Variants in OARD1 observed in about 807,000 individuals in gnomAD.
The protein encoded by OARD1 is O-acyl-ADP-ribose deacylase 1, also known as ADP-ribose glycohydrolase OARD1.
OARD1 carries 19 observed loss-of-function variants against 19.7 expected under a neutral mutation model. The ratio of observed to expected loss-of-function variants is 0.96; its 90% CI spans 0.67 to 1.41. The LOEUF is 1.41. OARD1 is among the 40% of genes most tolerant of loss of function. The probability of loss-of-function intolerance (pLI) is 0.00; values close to 1 mark genes in which losing one functional copy is unlikely to be tolerated. For missense variants in OARD1, 190 were observed against 183.8 expected (o/e 1.03, Z -0.20); for synonymous variants, 70 against 61.8 (o/e 1.13, Z -0.62).
chr6:41,085,055 CA>C (rs564190493), intron 1 of OARD1, among the ~76,000 whole-genome samples: 2 of 146,192 alleles, frequency 1.4e-5, no homozygotes, highest in East Asian at 4.0e-4. Context: ...ATCGAGATGG[CA>C]AAAAAAAACA....
At chr6:41,073,413 C>T (rs968777670), upstream of OARD1, among the ~76,000 whole-genome samples, 2 of 151,944 alleles carry the variant, frequency 1.3e-5, no homozygotes, top group African/African-American at 4.8e-5. Context: ...GGCCCCAGGC[C>T]TGGGGCCACG....
rs1582000433 is a variant in OARD1, at chr6:41,069,185, C to T, written c.244-232G>A. The T allele has an allele frequency of 1.2e-5, 4 of 344,288 alleles. No individual in the cohort carries two copies. In the East Asian group the frequency reaches 2.1e-4, roughly 18 times the overall value. The allele number at this position is 344,288 out of a possible 1,614,324, so 21.3% of individuals were successfully genotyped here. On this transcript the variant is annotated intron_variant, in intron 4 of 5. Transcript: ENST00000424266. ...AGACTCTGCCACGTAGCAATCTTTC[C>T]TTTTCCTAGGAAACCCATGAGATTA... is the stretch of plus-strand genomic sequence containing the variant.
At chr6:41,071,752 TTAATAGGC>T in intron 1 of OARD1, 77 bp from the exon 2 acceptor site, 1 of 787,074 alleles carries the variant, frequency 1.3e-6, no homozygotes, top group Non-Finnish European at 2.2e-6. Context: ...GTACAACCAC[TTAATAGGC>T]TTTTTTCCCC....
chr6:41,074,143 T>C (rs903076699), upstream of OARD1, among the ~76,000 whole-genome samples: 1 of 152,258 alleles, frequency 6.6e-6, no homozygotes. Flanking sequence ...CGCCTTTCTA[T>C]GTTACTTTGT....
intron 1 of OARD1, among the ~76,000 whole-genome samples, chr6:41,087,060 G>A (rs771102784): frequency 6.6e-6 from 1 of 152,166 alleles, no homozygotes; most frequent in Non-Finnish European, 1.5e-5. Flanking sequence ...AACCGAGTTT[G>A]TATTCAGAAT....
At position 41,071,179 on chromosome 6, in the gene OARD1, A is replaced by G. The variant is rs1428956580; in HGVS notation, c.137T>C (p.Val46Ala). The G allele has an allele frequency of 6.2e-7, 1 of 1,614,230 alleles. No individual in the cohort carries two copies. The highest frequency in any genetic ancestry group is 2.2e-5 in the East Asian group (1 of 44,888). The change falls in exon 3 of 6, where the codon GTC (valine) becomes GCC (alanine). Residue 46 changes from valine (V) to alanine (A), a missense_variant. By Grantham distance (64) the Val-to-Ala change is moderately conservative (BLOSUM62 0). Coordinates refer to ENST00000424266, the MANE Select transcript of OARD1 (RefSeq NM_001329686.2). The stretch of plus-strand genomic sequence containing the variant: ...CCCTCCAAATTTCTTCTTAAAGAGG[A>G]CAGCTATCCCAGCGCCCATGCGACA... ...EDCRMGAGIA[V>A]LFKKKFGGVQ...
intron 1 of OARD1, among the ~76,000 whole-genome samples, chr6:41,094,926 T>C (rs1218059729): frequency 1.3e-5 from 2 of 152,256 alleles, no homozygotes; most frequent in Non-Finnish European, 2.9e-5. Context: ...CAAGTTTTAT[T>C]TTTATTGAAC....
intron 1 of OARD1, among the ~76,000 whole-genome samples, chr6:41,088,782 T>C (rs745792169): frequency 9.1e-4 from 138 of 152,128 alleles, no homozygotes; most frequent in East Asian, 1.2e-3. Flanking sequence ...TACAGGGTTT[T>C]GCCATGTTGC....
At chr6:41,089,655 C>T (rs999842614) in intron 1 of OARD1, 8 of 1,612,542 alleles carry the variant, frequency 5.0e-6, no homozygotes, top group Non-Finnish European at 6.8e-6. Context: ...CAGGGCCAGA[C>T]CCAGCAGATC....
chr6:41,088,204 G>A (rs1764097049), intron 1 of OARD1, among the ~76,000 whole-genome samples: 1 of 152,064 alleles, frequency 6.6e-6, no homozygotes, highest in African/African-American at 2.4e-5. Flanking sequence ...GGATCACAAG[G>A]TCAGGAGATC....
chr6:41,089,046 C>T (rs926799136), intron 1 of OARD1, among the ~76,000 whole-genome samples: 7 of 151,934 alleles, frequency 4.6e-5, no homozygotes, highest in South Asian at 2.1e-4. Context: ...AGTGCAGTGG[C>T]GTGATCTCGG....
At chr6:41,092,303 G>A (rs1356072876) in intron 1 of OARD1, among the ~76,000 whole-genome samples, 7 of 152,220 alleles carry the variant, frequency 4.6e-5, no homozygotes, top group Admixed American at 4.6e-4. Context: ...AATCCAGGAG[G>A]ATGGCTTAAG....
At chr6:41,071,455 G>T in intron 2 of OARD1, 141 bp downstream of exon 2, 1 of 999,150 alleles carries the variant, frequency 1.0e-6, no homozygotes, top group Non-Finnish European at 1.5e-6. Flanking sequence ...TCCCTGCCTA[G>T]AATTTTGAGC....
At chr6:41,081,259 G>A (rs745327815) in intron 1 of OARD1, among the ~76,000 whole-genome samples, 17 of 152,188 alleles carry the variant, frequency 1.1e-4, no homozygotes, top group Non-Finnish European at 2.4e-4. Flanking sequence ...GGAGGCCGAG[G>A]CAGGCGGATC....
At chr6:41,069,005 A>G (rs1264827148) in intron 4 of OARD1, 52 bp from the exon 5 acceptor site, 5 of 919,458 alleles carry the variant, frequency 5.4e-6, no homozygotes, top group Non-Finnish European at 8.5e-6. Flanking sequence ...AGCCAAAGAA[A>G]AGTCATCACA....
chr6:41,097,291 G>A, intron 1 of OARD1: 7 of 1,448,984 alleles, frequency 4.8e-6, no homozygotes, highest in South Asian at 4.6e-5. Context: ...GGGATAAGTA[G>A]TGAGAGCCAT....
intron 1 of OARD1, among the ~76,000 whole-genome samples, chr6:41,084,599 A>G (rs1763991250): frequency 1.3e-5 from 2 of 152,378 alleles, no homozygotes; most frequent in South Asian, 2.1e-4. Context: ...AAGCAGACCA[A>G]TAAAACAGGT....
chr6:41,096,394 C>T (rs999580448), intron 1 of OARD1, among the ~76,000 whole-genome samples: 2 of 152,216 alleles, frequency 1.3e-5, no homozygotes, highest in Admixed American at 6.5e-5. Flanking sequence ...CAGGAACTCT[C>T]CTCATTCTGT....
intron 1 of OARD1, chr6:41,083,959 C>T (rs1362734379): frequency 3.9e-6 from 5 of 1,290,096 alleles, no homozygotes; most frequent in Non-Finnish European, 4.2e-6. Flanking sequence ...TCTAGCAAGG[C>T]AGCAGAATAG....
Sources: gnomAD v4.1 joint callset for allele counts (sites outside exome capture counted in the v4.1 genomes callset) on GRCh38, gnomAD v4.1.1 for gene constraint, MANE v1.5 for transcripts, NCBI Gene and HGNC (gene_info 2026-07-23, HGNC 2026-07-21) for gene names.